Variants in VSTM1 observed in about 807,000 individuals in gnomAD.
VSTM1 encodes the protein V-set and transmembrane domain-containing protein 1.
In VSTM1, 27 loss-of-function variants were observed where a neutral mutation model predicts 33.1. The observed-to-expected ratio is 0.82, with a 90% CI of 0.60 to 1.12. VSTM1 has a LOEUF of 1.12. Among genes scored for constraint, VSTM1 ranks in the 50% most tolerant of loss-of-function variants. The pLI, the probability that VSTM1 is intolerant of heterozygous loss-of-function variation, is 0.00. For synonymous variants in VSTM1, 115 were observed against 110.3 expected (o/e 1.04, Z -0.27); for missense variants, 304 against 288.9 (o/e 1.05, Z -0.38).
chr19:54,041,162 T>C, intron 8 of VSTM1, 82 bp from the exon 9 acceptor site: 1 of 1,361,890 alleles, frequency 7.3e-7, no homozygotes, highest in East Asian at 3.0e-5. Flanking sequence ...ACATTTAAGT[T>C]AATTACAATT....
At chr19:54,042,808 A>G (rs10404132) in intron 4 of VSTM1, among the ~76,000 whole-genome samples, 12,883 of 47,184 alleles carry the variant, frequency 0.27, 1,004 homozygotes, top group African/African-American at 0.39. Flanking sequence ...ATAAATGTGT[A>G]TATATATATA....
intron 3 of VSTM1, among the ~76,000 whole-genome samples, chr19:54,052,194 C>T (rs1030938224): frequency 7.3e-5 from 11 of 150,960 alleles, no homozygotes; most frequent in South Asian, 2.1e-4. Flanking sequence ...GTCAGGAGAT[C>T]GAGACCATCC....
Position 54,041,915 on chromosome 19 carries a change from C to A in VSTM1, c.553+1G>T, listed in dbSNP as rs772800607. 23 of 1,614,004 alleles carry A rather than the reference C, an allele frequency of 1.4e-5. No homozygotes were observed. In the East Asian group the frequency reaches 4.5e-4, roughly 31 times the overall value. Reference sequence around the variant, plus strand: ...TCCCTTAAACTTCCCCTGTCCCTTACCGGCAGCCTCCTGCTCCGGAAGTTT... The same window carrying A: ...TCCCTTAAACTTCCCCTGTCCCTTAACGGCAGCCTCCTGCTCCGGAAGTTT... On this transcript the variant is annotated splice_donor_variant, in intron 7 of 8. Transcript: ENST00000338372. LOFTEE classifies it high-confidence loss of function.
chr19:54,063,141 C>G (rs1199323300), intron 1 of VSTM1, among the ~76,000 whole-genome samples: 1 of 152,042 alleles, frequency 6.6e-6, no homozygotes, highest in African/African-American at 2.4e-5. Context: ...GGCTCGAGAC[C>G]AGCCTGACCA....
chr19:54,047,127 G>A (rs2070630920), intron 4 of VSTM1, among the ~76,000 whole-genome samples: 3 of 151,910 alleles, frequency 2.0e-5, no homozygotes, highest in Admixed American at 6.6e-5. Flanking sequence ...CCTGGTAGGC[G>A]GAGGTTGCAG....
In VSTM1 at chr19:54,063,869, C is replaced by T. The variant is rs1298176062; in HGVS notation, c.-92G>A. On this transcript the variant is annotated 5_prime_UTR_variant, in exon 1 of 9. Coordinates refer to ENST00000338372, the MANE Select transcript of VSTM1 (RefSeq NM_198481.4). Reference sequence around the variant, plus strand: ...GGCCGGCCGCAGCTCTCCGGCTGCCCGGTTCGTCCCCAGGATGTGCAGATA... The same window carrying T: ...GGCCGGCCGCAGCTCTCCGGCTGCCTGGTTCGTCCCCAGGATGTGCAGATA... The T allele has an allele frequency of 5.6e-6, 8 of 1,426,656 alleles. No individual in the cohort carries two copies. Among genetic ancestry groups the T allele is most frequent in the East Asian group, 2.5e-5 (1 of 39,514 alleles). 88.4% of individuals were successfully genotyped at this position (1,426,656 alleles called of 1,614,324 possible).
Position 54,056,814 on chromosome 19 carries a change from G to A in VSTM1, c.355+1492C>T, listed in dbSNP as rs528164829. 2.6e-4 allele frequency among the ~76,000 whole-genome samples: 36 copies of A among 140,078 alleles called. 5 individuals are homozygous for A. The highest frequency in any genetic ancestry group is 3.6e-3 in the Middle Eastern group (1 of 280). The allele number at this position is 140,078 out of a possible 152,430, so 91.9% of individuals were successfully genotyped here. A position where few individuals can be genotyped will look rare whatever the true frequency, so the allele number is the denominator to read the frequency against. On this transcript the variant is annotated intron_variant, in intron 3 of 8. Coordinates refer to ENST00000338372, the MANE Select transcript of VSTM1 (RefSeq NM_198481.4). ...CTGATGAGAATCTTGCTCCACATTC[G>A]GTTCCCATTTCCACATTGAAGGTGT... is the stretch of plus-strand genomic sequence containing the variant.
chr19:54,042,092 C>T, intron 6 of VSTM1, 77 bp downstream of exon 6: 5 of 1,609,690 alleles, frequency 3.1e-6, no homozygotes, highest in Admixed American at 3.3e-5. Flanking sequence ...CTCAGGGTGC[C>T]AATCCCGGAT....
chr19:54,056,703 G>C lies in VSTM1; in HGVS notation c.355+1603C>G, dbSNP rs577999941. 1.4e-5 allele frequency among the ~76,000 whole-genome samples: 2 copies of C among 140,064 alleles called. 1 individual carries two copies. Among genetic ancestry groups the C allele is most frequent in the South Asian group, 4.8e-4 (2 of 4,180 alleles). 91.9% of individuals were successfully genotyped at this position (140,064 alleles called of 152,430 possible). A position where few individuals can be genotyped will look rare whatever the true frequency, so the allele number is the denominator to read the frequency against. On this transcript the variant is annotated intron_variant, in intron 3 of 8. Transcript: ENST00000338372. ...ATGGCAATCATCACTTGGTCTGTCA[G>C]TCTTACCATACCCCAATTTTCTATT...
intron 4 of VSTM1, among the ~76,000 whole-genome samples, chr19:54,050,657 T>G (rs1369089574): frequency 6.6e-6 from 1 of 151,994 alleles, no homozygotes; most frequent in Non-Finnish European, 1.5e-5. Flanking sequence ...CACAGCAGTT[T>G]CCCCAATAAC....
In VSTM1 at chr19:54,040,969, T is replaced by G. The variant is rs1226172719; in HGVS notation, c.703A>C (p.Lys235Gln). Residue 235 changes from lysine (K) to glutamine (Q), a missense_variant, in exon 9 of 9, where the codon AAA (lysine) becomes CAA (glutamine). Physicochemically the swap from Lys to Gln is moderately conservative, Grantham distance 53. Transcript: ENST00000338372. ...PPGSHEYAALKV is the reference protein window; with the variant it reads ...PPGSHEYAALQV ...CCAGGGCTGTCTTCTTGCTACACTT[T>G]CAGTGCCGCATATTCATGAGATCCT... 6.2e-7 allele frequency: 1 copy of G among 1,609,972 alleles called. No individual in the cohort carries two copies.
rs768764708 is a variant in VSTM1 at position 54,041,072 on chromosome 19, G to A, written c.600C>T (p.Asp200=). 1.9e-6 allele frequency: 3 copies of A among 1,582,932 alleles called. No homozygotes were observed. The East Asian group carries it at 7.0e-5, about 37-fold the overall frequency. Residue 200 remains aspartate, a synonymous_variant, in exon 9 of 9, where the codon GAC becomes GAT. Transcript: ENST00000338372. ...GCTCAGCATAGGTCACTCCTTGGGGGTCTGCCGTCTTTGGAGAAAATAGAT... is the reference window on the plus strand; with the variant it reads ...GCTCAGCATAGGTCACTCCTTGGGGATCTGCCGTCTTTGGAGAAAATAGAT... ...NMERVSLSTA[D]PQGVTYAELS...
intron 4 of VSTM1, among the ~76,000 whole-genome samples, chr19:54,047,863 T>C (rs10416946): frequency 0.46 from 70,417 of 151,678 alleles, 16,477 homozygotes; most frequent in Middle Eastern, 0.52. Flanking sequence ...GGCCAAATGT[T>C]GCATCAGTAT....
Position 54,058,287 on chromosome 19 carries a change from G to A in VSTM1, c.355+19C>T, listed in dbSNP as rs1289058508. On this transcript the variant is annotated intron_variant, in intron 3 of 8. Coordinates refer to ENST00000338372, the MANE Select transcript of VSTM1 (RefSeq NM_198481.4). ...ACCAAAGAAATGTGTGCATCAAAGA[G>A]TACATCTGCCCTTCTCACCTGTGAC... The A allele has an allele frequency of 2.5e-6, 4 of 1,604,236 alleles. No individual in the cohort carries two copies. The highest frequency in any genetic ancestry group is 1.1e-5 in the South Asian group (1 of 90,796).
intron 3 of VSTM1, 53 bp from the exon 4 acceptor site, chr19:54,051,501 G>C: frequency 2.7e-6 from 4 of 1,458,170 alleles, no homozygotes; most frequent in Non-Finnish European, 3.7e-6. Flanking sequence ...AGGAACCTTG[G>C]GGACAGGAGT....
Position 54,042,822 on chromosome 19 carries a change from A to ATATGTG in VSTM1, c.395-454_395-453insCACATA, listed in dbSNP as rs1555752551. On this transcript the variant is annotated intron_variant, in intron 4 of 8. Coordinates refer to ENST00000338372, the MANE Select transcript of VSTM1 (RefSeq NM_198481.4). ...TATAAATGTGTATATATATATATAT[A>ATATGTG]TATATATATATATATACATATATAT... is the stretch of plus-strand genomic sequence containing the variant. 9.2e-5 allele frequency among the ~76,000 whole-genome samples: 5 copies of ATATGTG among 54,326 alleles called. No homozygotes were observed. In the East Asian group the frequency reaches 2.2e-3, roughly 24 times the overall value. The allele number at this position is 54,326 out of a possible 152,430, so 35.6% of individuals were successfully genotyped here.
At position 54,061,884 on chromosome 19, in the gene VSTM1, G is replaced by A. The variant is rs115807429; in HGVS notation, c.34+1860C>T. On this transcript the variant is annotated intron_variant, in intron 1 of 8. Coordinates refer to ENST00000338372, the MANE Select transcript of VSTM1 (RefSeq NM_198481.4). Reference sequence around the variant, plus strand: ...CTACAAGTTAAAGAATGCCGGGAGCGCTGGCTCACGCCTGTAATCTCAACA... The same window carrying A: ...CTACAAGTTAAAGAATGCCGGGAGCACTGGCTCACGCCTGTAATCTCAACA... Among the ~76,000 whole-genome samples, 572 of 152,166 alleles carry A rather than the reference G, an allele frequency of 3.8e-3. 7 individuals are homozygous for A. The highest frequency in any genetic ancestry group is 0.013 in the African/African-American group (559 of 41,518).
At chr19:54,047,092 G>A (rs530313559) in intron 4 of VSTM1, among the ~76,000 whole-genome samples, 13 of 152,216 alleles carry the variant, frequency 8.5e-5, no homozygotes, top group African/African-American at 3.1e-4. Context: ...CTATTTGGGA[G>A]GCTGAGGCAG....
At chr19:54,058,272 T>C (rs1600157392) in intron 3 of VSTM1, 34 bp downstream of exon 3, 1 of 1,496,638 alleles carries the variant, frequency 6.7e-7, no homozygotes, top group African/African-American at 1.4e-5. Context: ...ACCAAAGAAA[T>C]GTGTGCATCA....
Sources: allele counts gnomAD v4.1 joint callset (sites outside exome capture counted in the v4.1 genomes callset), GRCh38; gene constraint gnomAD v4.1.1; transcripts MANE v1.5; gene names NCBI Gene and HGNC (gene_info 2026-07-23, HGNC 2026-07-21).